The following MME variants were observed in gnomAD, a reference collection of about 807,000 sequenced individuals.
MME encodes neprilysin.
A neutral mutation model predicts 113.2 loss-of-function variants in MME; 98 were observed. The observed-to-expected ratio is 0.87, with a 90% CI of 0.74 to 1.02. The LOEUF (loss-of-function observed/expected upper bound fraction) is 1.02, where lower values mean the gene tolerates loss of function less well. Ranked by LOEUF, MME falls within the 50% of genes least tolerant of loss-of-function variation. MME has a pLI of 0.00. For missense variants in MME, 836 were observed against 896.0 expected, an observed-to-expected ratio of 0.93 and a Z score of 0.86; for synonymous variants, 292 against 300.6, an observed-to-expected ratio of 0.97 and a Z score of 0.30.
intron 1 of MME, among the ~76,000 whole-genome samples, chr3:155,063,028 A>C (rs1271445536): frequency 7.4e-6 from 1 of 135,826 alleles, no homozygotes; most frequent in African/African-American, 2.9e-5. Flanking sequence ...CTGAGACTCC[A>C]TCTCAAAAAA....
intron 3 of MME, among the ~76,000 whole-genome samples, chr3:155,094,471 A>G (rs6440966): frequency 0.014 from 2,094 of 152,350 alleles, 42 homozygotes; most frequent in African/African-American, 0.047. Flanking sequence ...TGAAAATTGC[A>G]AATGCACTAT....
chr3:155,043,715 T>G (rs1429932863), intron 1 of MME, among the ~76,000 whole-genome samples: 24 of 152,194 alleles, frequency 1.6e-4, no homozygotes, highest in Admixed American at 1.4e-3. Context: ...TACTGGACCT[T>G]TTATTATGTT....
chr3:155,156,079 C>T (rs1253440100), intron 16 of MME, among the ~76,000 whole-genome samples: 1 of 152,136 alleles, frequency 6.6e-6, no homozygotes, highest in Non-Finnish European at 1.5e-5. Flanking sequence ...CAACCATATG[C>T]AACAATAGAA....
At chr3:155,172,025 T>C in intron 20 of MME, 92 bp from the exon 21 acceptor site, 1 of 758,118 alleles carries the variant, frequency 1.3e-6, no homozygotes, top group South Asian at 1.6e-5. Flanking sequence ...TAACATAAAA[T>C]GTTAATTACT....
intron 16 of MME, among the ~76,000 whole-genome samples, chr3:155,154,192 T>A (rs1310414403): frequency 6.6e-6 from 1 of 152,118 alleles, no homozygotes; most frequent in Non-Finnish European, 1.5e-5. Context: ...GCATGGTGTT[T>A]TTTTTCTAAT....
chr3:155,106,258 C>T (rs1429273520), intron 3 of MME, among the ~76,000 whole-genome samples: 1 of 152,146 alleles, frequency 6.6e-6, no homozygotes, highest in Non-Finnish European at 1.5e-5. Flanking sequence ...AAGTCATGAC[C>T]TTGGCTTTCT....
intron 1 of MME, among the ~76,000 whole-genome samples, chr3:155,058,219 G>A (rs1172754801): frequency 2.0e-5 from 3 of 152,154 alleles, no homozygotes; most frequent in Non-Finnish European, 4.4e-5. Flanking sequence ...TTGACCCAAG[G>A]TGTTAAATAG....
chr3:155,075,638 A>G (rs1178977845), upstream of MME, among the ~76,000 whole-genome samples: 1 of 152,196 alleles, frequency 6.6e-6, no homozygotes, highest in Non-Finnish European at 1.5e-5. Flanking sequence ...TAAAGTCTAA[A>G]GTATATAATT....
intron 1 of MME, among the ~76,000 whole-genome samples, chr3:155,072,167 C>CAA (rs71155031): frequency 0.14 from 8,831 of 64,454 alleles, 1,228 homozygotes; most frequent in East Asian, 0.22. Flanking sequence ...GACTCCGTCT[C>CAA]AAAAAAAAAA....
intron 1 of MME, among the ~76,000 whole-genome samples, chr3:155,074,034 T>C (rs1714666235): frequency 1.3e-5 from 2 of 151,982 alleles, no homozygotes; most frequent in African/African-American, 4.8e-5. Context: ...TCTTCATCTC[T>C]CCTTCCTTTT....
At chr3:155,070,040 C>G (rs1386545704) in intron 1 of MME, among the ~76,000 whole-genome samples, 1 of 152,150 alleles carries the variant, frequency 6.6e-6, no homozygotes, top group Non-Finnish European at 1.5e-5. Flanking sequence ...GTGGACGATG[C>G]AAACAGACAA....
At chr3:155,084,123 T>C (rs747720840) in intron 1 of MME, 35 bp from the exon 2 acceptor site, 3 of 1,511,560 alleles carry the variant, frequency 2.0e-6, no homozygotes, top group Non-Finnish European at 2.8e-6. Flanking sequence ...TTTTATTTAT[T>C]TGTTTTTCAT....
chr3:155,098,366 C>A (rs1229911508), intron 3 of MME, among the ~76,000 whole-genome samples: 1 of 152,032 alleles, frequency 6.6e-6, no homozygotes, highest in Non-Finnish European at 1.5e-5. Context: ...CCATCCTGGC[C>A]AACGTGGTGA....
chr3:155,113,554 T>C (rs532847068), intron 3 of MME, among the ~76,000 whole-genome samples: 1 of 152,232 alleles, frequency 6.6e-6, no homozygotes, highest in Non-Finnish European at 1.5e-5. Flanking sequence ...TGCCAAGCTT[T>C]TATAATTTAA....
At chr3:155,134,046 T>G (rs1392909192) in intron 8 of MME, among the ~76,000 whole-genome samples, 1 of 151,970 alleles carries the variant, frequency 6.6e-6, no homozygotes, top group East Asian at 1.9e-4. Flanking sequence ...TCTGATTACC[T>G]TAAATAGAAA....
chr3:155,047,426 CACA>C (rs951118430), intron 1 of MME, among the ~76,000 whole-genome samples: 6 of 152,148 alleles, frequency 3.9e-5, no homozygotes, highest in African/African-American at 1.2e-4. Flanking sequence ...ATGGTATTCA[CACA>C]ACAACAAAAA....
At chr3:155,036,970 T>G (rs1447264420) in intron 1 of MME, among the ~76,000 whole-genome samples, 1 of 152,226 alleles carries the variant, frequency 6.6e-6, no homozygotes, top group Non-Finnish European at 1.5e-5. Context: ...AGCACAATTT[T>G]TTGAAAATAA....
At chr3:155,044,695 C>T (rs182795252) in intron 1 of MME, among the ~76,000 whole-genome samples, 34 of 152,202 alleles carry the variant, frequency 2.2e-4, no homozygotes, top group Non-Finnish European at 3.8e-4. Flanking sequence ...TAAGCAGTTT[C>T]ATTATGCTGG....
At chr3:155,069,545 T>A (rs1305694835) in intron 1 of MME, among the ~76,000 whole-genome samples, 1 of 152,210 alleles carries the variant, frequency 6.6e-6, no homozygotes. Context: ...TGGCCCTTTT[T>A]CTTTGAGACA....
Sources: allele counts gnomAD v4.1 joint callset (sites outside exome capture counted in the v4.1 genomes callset), GRCh38; gene constraint gnomAD v4.1.1; transcripts MANE v1.5; gene names NCBI Gene and HGNC (gene_info 2026-07-23, HGNC 2026-07-21).